KIF7: variants seen among roughly 807,000 people sequenced by gnomAD.
The protein encoded by KIF7 is kinesin-like protein KIF7.
In KIF7, 104 loss-of-function variants were observed where a neutral mutation model predicts 135.7. The ratio of observed to expected loss-of-function variants is 0.77; its 90% CI spans 0.65 to 0.90. KIF7 has a LOEUF of 0.90. KIF7 is among the 40% of genes least tolerant of loss of function. The pLI, the probability that KIF7 is intolerant of heterozygous loss-of-function variation, is 0.00. For missense variants in KIF7, 2,005 were observed against 1,839.1 expected (o/e 1.09, Z -1.65); for synonymous variants, 883 against 809.4 (o/e 1.09, Z -1.54).
Position 89,648,311 on chromosome 15 carries a change from C to G in KIF7, c.1387G>C (p.Gly463Arg). The change falls in exon 5 of 19, where the codon GGC becomes CGC. Residue 463 changes from glycine to arginine, a missense_variant. Gly to Arg is a moderately radical substitution (Grantham distance 125). Transcript: ENST00000394412. ...TCCTCGACGGAGGCGCTCTCGATGC[C>G]GCTATCGGGCCCGGAGGCGGAGCTC... ...ALSSASGPDS[G>R]IESASVEDQA... 1 of 1,514,386 alleles carries G rather than the reference C, an allele frequency of 6.6e-7. No individual in the cohort carries two copies. The highest frequency in any genetic ancestry group is 2.6e-5 in the East Asian group (1 of 39,128). 93.8% of individuals were successfully genotyped at this position (1,514,386 alleles called of 1,614,324 possible).
chr15:89,652,856 C>T lies in KIF7; in HGVS notation c.75G>A (p.Leu25=). The T allele has an allele frequency of 6.5e-7, 1 of 1,548,032 alleles. No homozygotes were observed. Among genetic ancestry groups the T allele is most frequent in the Non-Finnish European group, 8.7e-7 (1 of 1,145,726 alleles). The change falls in exon 2 of 19, where the codon CTG becomes CTA. Residue 25 remains leucine, a synonymous_variant. Coordinates refer to ENST00000394412, the MANE Select transcript of KIF7 (RefSeq NM_198525.3). ...PVRVALRVRP[L]LPKELLHGHQ... ...GCCCGTGCAGCAGCTCCTTGGGCAG[C>T]AGTGGTCGAACTCGCAGGGCAACCC...
intron 11 of KIF7, among the ~76,000 whole-genome samples, chr15:89,639,242 A>C (rs1012041219): frequency 1.3e-5 from 2 of 152,238 alleles, no homozygotes; most frequent in Admixed American, 6.5e-5. Context: ...CAAGGACTTC[A>C]TGTCTAAAAC....
the KIF7 span, among the ~76,000 whole-genome samples, chr15:89,660,795 T>A: frequency 6.6e-6 from 1 of 152,154 alleles, no homozygotes; most frequent in Non-Finnish European, 1.5e-5. Context: ...CTTTGGCCAA[T>A]GGAATGTAAG....
chr15:89,630,330 G>A lies in KIF7; in HGVS notation c.3275C>T (p.Ser1092Leu). 6.2e-7 allele frequency: 1 copy of A among 1,614,186 alleles called. No individual in the cohort carries two copies. Among genetic ancestry groups the A allele is most frequent in the Non-Finnish European group, 8.5e-7 (1 of 1,180,046 alleles). Residue 1092 changes from serine (S) to leucine (L), a missense_variant, in exon 16 of 19, where the codon TCA (serine) becomes TTA (leucine). Physicochemically the swap from Ser to Leu is moderately radical, Grantham distance 145. Coordinates refer to ENST00000394412, the MANE Select transcript of KIF7 (RefSeq NM_198525.3). ...GAGGAGGGCTCTGGTCTCTGAGGAT[G>A]AGAGGTAGCTGAGCTTGGCCATGAG... is the stretch of plus-strand genomic sequence containing the variant. The part of the protein sequence containing the change: ...MNLMAKLSYL[S>L]SSETRALLCK...
intron 10 of KIF7, 48 bp downstream of exon 10, chr15:89,644,962 CGAT>C (rs1640883602): frequency 6.2e-7 from 1 of 1,600,678 alleles, no homozygotes; most frequent in African/African-American, 1.3e-5. Flanking sequence ...GCAGAAGTAA[CGAT>C]GAGAAGTCCC....
At chr15:89,623,481 G>A (rs536684961), downstream of KIF7, 5 of 853,862 alleles carry the variant, frequency 5.9e-6, no homozygotes, top group East Asian at 5.1e-5. Context: ...AGAGGGAAAC[G>A]GGTCACTATT....
exon 2 of KIF7, chr15:89,618,044 C>G (rs1037438643): frequency 1.7e-6 from 2 of 1,152,016 alleles, no homozygotes; most frequent in South Asian, 1.2e-5. Flanking sequence ...CTGGTGTTAT[C>G]AGACCCTGTG....
At position 89,649,613 on chromosome 15, in the gene KIF7, G is replaced by A. The variant is rs117110825; in HGVS notation, c.529+128C>T. The A allele has an allele frequency of 2.4e-3, 2,763 of 1,156,642 alleles. 90 individuals are homozygous for A. In the East Asian group the frequency reaches 0.063, roughly 27 times the overall value. The allele number at this position is 1,156,642 out of a possible 1,614,324, so 71.6% of individuals were successfully genotyped here. Reference sequence around the variant, plus strand: ...AACTCAGTGGAGGCAAGAAGCTAAAGCAAAACCTCCCAGGGCTTGGGTTTT... The same window carrying A: ...AACTCAGTGGAGGCAAGAAGCTAAAACAAAACCTCCCAGGGCTTGGGTTTT... On this transcript the variant is annotated intron_variant, in intron 3 of 18. Coordinates refer to ENST00000394412, the MANE Select transcript of KIF7 (RefSeq NM_198525.3).
At chr15:89,621,692 C>T in intron 1 of KIF7, 1 of 703,868 alleles carries the variant, frequency 1.4e-6, no homozygotes, top group Non-Finnish European at 2.3e-6. Context: ...GGTGGAGCCA[C>T]ATGAATGATT....
At position 89,617,750 on chromosome 15, in the gene KIF7, G is replaced by C. The variant is rs1423685139; in HGVS notation, c.*75+279C>G. Among the ~76,000 whole-genome samples, 7 of 150,312 alleles carry C rather than the reference G, an allele frequency of 4.7e-5. No individual in the cohort carries two copies. In the South Asian group the frequency reaches 1.3e-3, roughly 27 times the overall value. On this transcript the variant is annotated intron_variant and NMD_transcript_variant, in intron 2 of 2. Coordinates refer to the KIF7 transcript ENST00000558928. Reference sequence around the variant, plus strand: ...CTCTGTCGCCAGGCTGGAGTGCAGTGGCGCGATCCTGGCTCACTGCAACGT... The same window carrying C: ...CTCTGTCGCCAGGCTGGAGTGCAGTCGCGCGATCCTGGCTCACTGCAACGT...
At chr15:89,630,838 G>C (rs116954620) in intron 15 of KIF7, 1 of 417,366 alleles carries the variant, frequency 2.4e-6, no homozygotes, top group Non-Finnish European at 4.5e-6. Context: ...ATGGGGATAC[G>C]TTCTAAGAAA....
chr15:89,640,455 A>C (rs542977384), intron 11 of KIF7, among the ~76,000 whole-genome samples: 46 of 152,314 alleles, frequency 3.0e-4, no homozygotes, highest in African/African-American at 1.1e-3. Flanking sequence ...TACAGATCAG[A>C]AAACTGAGGC....
chr15:89,645,086 G>C lies in KIF7; in HGVS notation c.2118C>G (p.Ala706=). The change falls in exon 10 of 19, where the codon GCC becomes GCG. Residue 706 remains alanine (A), a synonymous_variant. Transcript: ENST00000394412. ...TAGCCAGCTCCCGGATCTTCTGCTG[G>C]GCCTGGGCCAGCCGCCACTCTGAGG... ...ATASEWRLAQ[A]QQKIRELAIN... 6.2e-7 allele frequency: 1 copy of C among 1,604,350 alleles called. No individual in the cohort carries two copies. The highest frequency in any genetic ancestry group is 8.5e-7 in the Non-Finnish European group (1 of 1,179,960).
chr15:89,657,328 AAG>A (rs71151519), upstream of KIF7, among the ~76,000 whole-genome samples: 53 of 127,956 alleles, frequency 4.1e-4, no homozygotes, highest in East Asian at 2.5e-3. Context: ...AAAAAAAAAA[AAG>A]AGAGAGAGAC....
downstream of KIF7, chr15:89,624,005 C>T (rs1462786279): frequency 6.2e-6 from 10 of 1,614,016 alleles, no homozygotes; most frequent in South Asian, 1.1e-5. Context: ...CCAACTTCAT[C>T]GACTGCCCAG....
At chr15:89,643,530 C>G (rs1963958867) in intron 10 of KIF7, among the ~76,000 whole-genome samples, 1 of 152,186 alleles carries the variant, frequency 6.6e-6, no homozygotes, top group South Asian at 2.1e-4. Context: ...GAGCCTGATT[C>G]AAGCGATCCA....
chr15:89,644,508 C>T (rs1445640365), intron 10 of KIF7, among the ~76,000 whole-genome samples: 1 of 147,810 alleles, frequency 6.8e-6, no homozygotes, highest in Non-Finnish European at 1.5e-5. Flanking sequence ...AACCCCATCT[C>T]AACTAAAAAT....
chr15:89,617,602 A>C (rs966189607), intron 2 of KIF7, among the ~76,000 whole-genome samples: 14 of 152,090 alleles, frequency 9.2e-5, no homozygotes, highest in African/African-American at 3.1e-4. Flanking sequence ...AGCTCACTGC[A>C]ACCTCTGCCT....
chr15:89,647,406 C>T (rs1277437758), intron 6 of KIF7, among the ~76,000 whole-genome samples, 190 bp downstream of exon 6: 2 of 152,110 alleles, frequency 1.3e-5, no homozygotes, highest in Non-Finnish European at 2.9e-5. Context: ...CCCTGCCTGG[C>T]GGTCCTGCAC....
Sources: allele counts gnomAD v4.1 joint callset (sites outside exome capture counted in the v4.1 genomes callset), GRCh38; gene constraint gnomAD v4.1.1; transcripts MANE v1.5; gene names NCBI Gene and HGNC (gene_info 2026-07-23, HGNC 2026-07-21).